Variants in POLR1A observed in about 807,000 individuals in gnomAD.
POLR1A encodes DNA-directed RNA polymerase I subunit RPA1.
Under a neutral mutation model 205.3 loss-of-function variants are expected in POLR1A, and 84 were observed. The observed-to-expected ratio is 0.41, with a 90% CI of 0.34 to 0.49. The LOEUF is 0.49. Among genes scored for constraint, POLR1A ranks in the 20% least tolerant of loss-of-function variants. POLR1A has a pLI of 0.22. For missense variants in POLR1A, 1,645 were observed against 2,204.5 expected, an observed-to-expected ratio of 0.75 and a Z score of 5.08; for synonymous variants, 799 against 863.7, an observed-to-expected ratio of 0.93 and a Z score of 1.31.
At chr2:86,093,410 C>G (rs1040879511) in intron 3 of POLR1A, among the ~76,000 whole-genome samples, 1 of 152,220 alleles carries the variant, frequency 6.6e-6, no homozygotes, top group Non-Finnish European at 1.5e-5. Context: ...TGAACATTTT[C>G]TATAAACATG....
chr2:86,095,279 T>C (rs1041545843), intron 3 of POLR1A, among the ~76,000 whole-genome samples: 1 of 152,158 alleles, frequency 6.6e-6, no homozygotes, highest in South Asian at 2.1e-4. Context: ...GGGGAACAAC[T>C]TTTCTATGTG....
In POLR1A at chr2:86,024,881, A is replaced by G. The variant is rs1177677705; in HGVS notation, c.*2542T>C. The G allele has an allele frequency of 1.3e-5, 2 of 152,218 alleles. No individual in the cohort carries two copies. Among genetic ancestry groups the G allele is most frequent in the African/African-American group, 4.8e-5 (2 of 41,436 alleles). The allele number at this position is 152,218 out of a possible 1,614,324, so 9.4% of individuals were successfully genotyped here. A position where few individuals can be genotyped will look rare whatever the true frequency, so the allele number is the denominator to read the frequency against. On this transcript the variant is annotated 3_prime_UTR_variant, in exon 34 of 34. Transcript: ENST00000263857. Reference sequence around the variant, plus strand: ...GGCCGGCACAGTAGCTCACGCCTGTAAACCCAGCACTTTGGGAGGCTGAGG... The same window carrying G: ...GGCCGGCACAGTAGCTCACGCCTGTGAACCCAGCACTTTGGGAGGCTGAGG...
intron 27 of POLR1A, among the ~76,000 whole-genome samples, chr2:86,035,337 T>C (rs946771962): frequency 6.6e-6 from 1 of 152,024 alleles, no homozygotes; most frequent in Admixed American, 6.6e-5. Context: ...AAAGATACAA[T>C]CCCACTGGAA....
At chr2:86,050,171 C>T (rs1270127408) in intron 16 of POLR1A, among the ~76,000 whole-genome samples, 1 of 152,160 alleles carries the variant, frequency 6.6e-6, no homozygotes, top group African/African-American at 2.4e-5. Context: ...CTGCCTCGGC[C>T]TCCCAAAGTG....
intron 4 of POLR1A, among the ~76,000 whole-genome samples, chr2:86,089,440 C>CCATT: frequency 6.6e-6 from 1 of 152,300 alleles, no homozygotes; most frequent in South Asian, 2.1e-4. Context: ...AATTATCTAC[C>CCATT]CATTCATTCA....
In POLR1A at chr2:86,021,710, C is replaced by A. The variant is rs1463000034; in HGVS notation, c.*5713G>T. 1 of 152,246 alleles carries A rather than the reference C, an allele frequency of 6.6e-6. No individual in the cohort carries two copies. Among genetic ancestry groups the A allele is most frequent in the Non-Finnish European group, 1.5e-5 (1 of 68,132 alleles). 9.4% of individuals were successfully genotyped at this position (152,246 alleles called of 1,614,324 possible). A position where few individuals can be genotyped will look rare whatever the true frequency, so the allele number is the denominator to read the frequency against. ...GGCAGGGCCCACATAGCTTGTGCATCTTAGGGTGCCTGGGACACAGTGGAG... is the reference window on the plus strand; with the variant it reads ...GGCAGGGCCCACATAGCTTGTGCATATTAGGGTGCCTGGGACACAGTGGAG... On this transcript the variant is annotated 3_prime_UTR_variant, in exon 34 of 34. Coordinates refer to ENST00000263857, the MANE Select transcript of POLR1A (RefSeq NM_015425.6).
chr2:86,103,125 C>T (rs1156331059), intron 1 of POLR1A, among the ~76,000 whole-genome samples: 3 of 152,042 alleles, frequency 2.0e-5, no homozygotes, highest in East Asian at 1.9e-4. Flanking sequence ...GTCTGTTAGA[C>T]GGCAGAAAGG....
In POLR1A at chr2:86,021,966, T is replaced by C. The variant is rs1047149348; in HGVS notation, c.*5457A>G. On this transcript the variant is annotated 3_prime_UTR_variant, in exon 34 of 34. Transcript: ENST00000263857. ...ACCTCAACCCAGGCAGTTACCCAGGTACCCTGCCGGGTAACTCAGAGTTGA... is the reference window on the plus strand; with the variant it reads ...ACCTCAACCCAGGCAGTTACCCAGGCACCCTGCCGGGTAACTCAGAGTTGA... 6.6e-6 allele frequency: 1 copy of C among 152,268 alleles called. No individual in the cohort carries two copies. The highest frequency in any genetic ancestry group is 2.4e-5 in the African/African-American group (1 of 41,470). The allele number at this position is 152,268 out of a possible 1,614,324, so 9.4% of individuals were successfully genotyped here.
chr2:86,065,697 C>G, intron 13 of POLR1A: 1 of 519,044 alleles, frequency 1.9e-6, no homozygotes, highest in Non-Finnish European at 3.4e-6. Context: ...TATCCTATAT[C>G]AAGACTGCTT....
Position 86,028,117 on chromosome 2 carries a change from C to A in POLR1A, c.4898-68G>T. ...CACGGGAGCAGTCAGCAGACACAAG[C>A]CAAGCTGCCTCCACATCAGCACATG... On this transcript the variant is annotated intron_variant, in intron 32 of 33. Coordinates refer to ENST00000263857, the MANE Select transcript of POLR1A (RefSeq NM_015425.6). The surrounding 1 kb of genome is among the most constrained non-coding windows in gnomAD (Gnocchi z 4.5). The A allele has an allele frequency of 6.8e-7, 1 of 1,479,100 alleles. No individual in the cohort carries two copies. The highest frequency in any genetic ancestry group is 1.2e-5 in the South Asian group (1 of 86,728). 91.6% of individuals were successfully genotyped at this position (1,479,100 alleles called of 1,614,324 possible).
At position 86,039,335 on chromosome 2, in the gene POLR1A, A is replaced by G. The variant is rs752747932; in HGVS notation, c.3868T>C (p.Leu1290=). 11 of 1,613,916 alleles carry G rather than the reference A, an allele frequency of 6.8e-6. No homozygotes were observed. The highest frequency in any genetic ancestry group is 4.0e-5 in the African/African-American group (3 of 74,920). The change falls in exon 26 of 34, where the codon TTG becomes CTG. Residue 1290 remains leucine, a synonymous_variant. Transcript: ENST00000263857. ...SLKKQLTRVC[L]GEVLQKIDVQ... The stretch of plus-strand genomic sequence containing the variant: ...GGAAGGAGAGACGTTACCTCCCCCA[A>G]GCACACCCTGGTGAGTTGCTTCTTC...
intron 16 of POLR1A, 84 bp from the exon 17 acceptor site, chr2:86,049,326 G>A (rs1672760192): frequency 1.1e-6 from 1 of 899,332 alleles, no homozygotes. Context: ...CCAGAGCACA[G>A]AGTCCAGTGC....
At chr2:86,098,178 C>T (rs1195540108) in intron 3 of POLR1A, among the ~76,000 whole-genome samples, 1 of 152,098 alleles carries the variant, frequency 6.6e-6, no homozygotes, top group African/African-American at 2.4e-5. Context: ...AATCTAATTA[C>T]AAGAAATAAT....
Position 86,045,747 on chromosome 2 carries a change from A to G in POLR1A, c.2756T>C (p.Ile919Thr). The G allele has an allele frequency of 1.9e-6, 3 of 1,608,392 alleles. No homozygotes were observed. Among genetic ancestry groups the G allele is most frequent in the Non-Finnish European group, 2.5e-6 (3 of 1,178,826 alleles). The change falls in exon 20 of 34, where the codon ATT (isoleucine) becomes ACT (threonine). Residue 919 changes from isoleucine (I) to threonine (T), a missense_variant. This residue lies in a region of POLR1A where 339 missense variants were observed against 415.1 expected (regional missense o/e 0.82). Transcript: ENST00000263857. ...CGGGGGTCTCCGACCTTCCAGTTCA[A>G]TCTGGCCCAGCAGGCACGAGATCTG... is the stretch of plus-strand genomic sequence containing the variant. ...TMQISCLLGQIELEGRRPPLM... is the reference protein window; with the variant it reads ...TMQISCLLGQTELEGRRPPLM...
At chr2:86,069,987 G>T in intron 13 of POLR1A, 31 bp downstream of exon 13, 2 of 1,598,760 alleles carry the variant, frequency 1.3e-6, no homozygotes, top group South Asian at 2.2e-5. Context: ...TGCTGACGAT[G>T]ACCACGGAAC....
chr2:86,050,364 C>G (rs1390695061), intron 16 of POLR1A, among the ~76,000 whole-genome samples: 1 of 152,230 alleles, frequency 6.6e-6, no homozygotes, highest in African/African-American at 2.4e-5. Context: ...TGGAGGGCTT[C>G]TAAGAACATG....
rs1673685068 is a variant in POLR1A, at chr2:86,095,350, T to C, written c.432+3261A>G. On this transcript the variant is annotated intron_variant, in intron 3 of 33. Coordinates refer to ENST00000263857, the MANE Select transcript of POLR1A (RefSeq NM_015425.6). Reference sequence around the variant, plus strand: ...AACACAGTAATGTAGATCCTAGCCATCAAAAGAAAACATACAAGGCTTGGA... The same window carrying C: ...AACACAGTAATGTAGATCCTAGCCACCAAAAGAAAACATACAAGGCTTGGA... Among the ~76,000 whole-genome samples, 2 of 152,068 alleles carry C rather than the reference T, an allele frequency of 1.3e-5. 1 individual carries two copies. Among genetic ancestry groups the C allele is most frequent in the Admixed American group, 1.3e-4 (2 of 15,276 alleles).
intron 30 of POLR1A, 98 bp downstream of exon 30, chr2:86,031,232 T>C (rs534914172): frequency 3.4e-6 from 5 of 1,453,740 alleles, no homozygotes; most frequent in Non-Finnish European, 2.7e-6. Flanking sequence ...GGCTGCCCCC[T>C]GCCCAGCTGT....
At chr2:86,100,552 T>TTA (rs1297922927) in intron 1 of POLR1A, among the ~76,000 whole-genome samples, 12 of 150,410 alleles carry the variant, frequency 8.0e-5, no homozygotes, top group African/African-American at 2.7e-4. Flanking sequence ...TTTTTTTTTT[T>TTA]AACAAGGTCT....
Sources: allele counts gnomAD v4.1 joint callset (sites outside exome capture counted in the v4.1 genomes callset), GRCh38; gene constraint gnomAD v4.1.1; regional missense constraint gnomAD v4.1.1; non-coding constraint Gnocchi (gnomAD v3.1); transcripts MANE v1.5; gene names NCBI Gene and HGNC (gene_info 2026-07-23, HGNC 2026-07-21).